PRKCQ: variants seen among roughly 807,000 people sequenced by gnomAD.
The protein encoded by PRKCQ is protein kinase C theta, also known as protein kinase C theta type.
A neutral mutation model predicts 91.2 loss-of-function variants in PRKCQ; 41 were observed. That is an observed-to-expected ratio of 0.45 (90% CI 0.35 to 0.58). PRKCQ has a LOEUF of 0.58. Among genes scored for constraint, PRKCQ ranks in the 20% least tolerant of loss-of-function variants. The pLI is 0.00. For missense variants in PRKCQ, 673 were observed against 896.5 expected (o/e 0.75, Z 3.18); for synonymous variants, 307 against 316.9 (o/e 0.97, Z 0.33).
At chr10:6,498,583 A>G (rs752318597) in intron 4 of PRKCQ, 25 bp from the exon 5 acceptor site, 1 of 1,609,676 alleles carries the variant, frequency 6.2e-7, no homozygotes, top group Non-Finnish European at 8.5e-7. Context: ...AGGGGAAGAA[A>G]GTGAAGTTCT....
intron 3 of PRKCQ, among the ~76,000 whole-genome samples, chr10:6,507,790 G>A (rs555810762): frequency 1.3e-5 from 2 of 152,328 alleles, no homozygotes; most frequent in East Asian, 3.9e-4. Context: ...CTGTAATGCT[G>A]CGTATCTGAA....
At chr10:6,476,755 G>T (rs1836289765) in intron 12 of PRKCQ, among the ~76,000 whole-genome samples, 1 of 152,190 alleles carries the variant, frequency 6.6e-6, no homozygotes, top group South Asian at 2.1e-4. Context: ...TTAGCAGTTT[G>T]CTACAAGCCT....
At chr10:6,466,333 C>G (rs560821303) in intron 12 of PRKCQ, among the ~76,000 whole-genome samples, 1 of 152,178 alleles carries the variant, frequency 6.6e-6, no homozygotes, top group African/African-American at 2.4e-5. Flanking sequence ...CTGAATCAGA[C>G]GCCACACTAG....
chr10:6,498,288 A>G, intron 5 of PRKCQ, 108 bp downstream of exon 5: 1 of 1,390,732 alleles, frequency 7.2e-7, no homozygotes, highest in Non-Finnish European at 1.0e-6. Context: ...CTGAGGTAGC[A>G]TTTACTCCAG....
At chr10:6,534,892 T>C (rs1839521960) in intron 1 of PRKCQ, among the ~76,000 whole-genome samples, 1 of 151,308 alleles carries the variant, frequency 6.6e-6, no homozygotes, top group Non-Finnish European at 1.5e-5. Flanking sequence ...TGGATATTAG[T>C]TGATTTTAAC....
In PRKCQ at chr10:6,572,111, C is replaced by T. The variant is rs948378379; in HGVS notation, c.-10+8100G>A. Among the ~76,000 whole-genome samples the T allele has an allele frequency of 2.6e-5, 4 of 152,192 alleles. No individual in the cohort carries two copies. The East Asian group carries it at 7.7e-4, about 29-fold the overall frequency. Reference sequence around the variant, plus strand: ...CCCGCGATCCAGGCCCAGGGCATGACCAACGACTGCCTTCCCATCGCTCCC... The same window carrying T: ...CCCGCGATCCAGGCCCAGGGCATGATCAACGACTGCCTTCCCATCGCTCCC... On this transcript the variant is annotated intron_variant, in intron 1 of 17. Transcript: ENST00000263125.
chr10:6,497,358 G>A lies in PRKCQ; in HGVS notation c.543-107C>T, dbSNP rs528579101. On this transcript the variant is annotated intron_variant, in intron 5 of 17. Coordinates refer to ENST00000263125, the MANE Select transcript of PRKCQ (RefSeq NM_006257.5). This position sits in a 1 kb window ranked among gnomAD's most constrained non-coding sequence, Gnocchi z 4.5. ...CATAACCCCCTAAGATCACAGAGCA[G>A]TTTCTGATCAGCAGCCCTGTTGTAT... 1,421 of 1,300,288 alleles carry A rather than the reference G, an allele frequency of 1.1e-3. No homozygotes were observed. The highest frequency in any genetic ancestry group is 1.4e-3 in the Non-Finnish European group (1,276 of 899,536). 80.5% of individuals were successfully genotyped at this position (1,300,288 alleles called of 1,614,324 possible). A position where few individuals can be genotyped will look rare whatever the true frequency, so the allele number is the denominator to read the frequency against.
chr10:6,428,780 A>G (rs980346449), intron 17 of PRKCQ, among the ~76,000 whole-genome samples: 1 of 152,068 alleles, frequency 6.6e-6, no homozygotes, highest in Non-Finnish European at 1.5e-5. Flanking sequence ...GAGGGATGGG[A>G]AGAGAGAAGG....
chr10:6,562,124 T>G lies in PRKCQ; in HGVS notation c.-10+18087A>C, dbSNP rs561020440. Among the ~76,000 whole-genome samples, 7 of 152,228 alleles carry G rather than the reference T, an allele frequency of 4.6e-5. No homozygotes were observed. In the East Asian group the frequency reaches 1.4e-3, roughly 29 times the overall value. The stretch of plus-strand genomic sequence containing the variant: ...TACCGGAAAGGAAAGAGAGAGGGAT[T>G]GAGGTGGACGCTCGTGGGTAAGGAA... On this transcript the variant is annotated intron_variant, in intron 1 of 17. Coordinates refer to ENST00000263125, the MANE Select transcript of PRKCQ (RefSeq NM_006257.5).
intron 14 of PRKCQ, among the ~76,000 whole-genome samples, chr10:6,459,117 C>A (rs11258964): frequency 6.6e-6 from 1 of 152,146 alleles, no homozygotes; most frequent in Admixed American, 6.5e-5. Flanking sequence ...CCTGGAGTCA[C>A]TTCTTCCATC....
intron 12 of PRKCQ, among the ~76,000 whole-genome samples, chr10:6,473,701 A>C (rs140158659): frequency 2.0e-5 from 3 of 152,348 alleles, no homozygotes; most frequent in African/African-American, 4.8e-5. Flanking sequence ...TCCTAGCTCA[A>C]CTGAAAGGTT....
downstream of PRKCQ, among the ~76,000 whole-genome samples, chr10:6,423,315 A>G (rs1459188710): frequency 6.6e-6 from 1 of 152,182 alleles, no homozygotes; most frequent in Non-Finnish European, 1.5e-5. Context: ...AGGCACACGC[A>G]TGCCCCAGGG....
intron 14 of PRKCQ, 88 bp downstream of exon 14, chr10:6,462,215 C>T: frequency 8.3e-7 from 1 of 1,198,184 alleles, no homozygotes; most frequent in Non-Finnish European, 1.2e-6. Flanking sequence ...ATCACATGGG[C>T]TGTCTCACAG....
chr10:6,440,045 A>G (rs1281141172), intron 16 of PRKCQ, among the ~76,000 whole-genome samples: 1 of 152,060 alleles, frequency 6.6e-6, no homozygotes. Flanking sequence ...TGTTCTTATG[A>G]TAGTGAGAGT....
At chr10:6,452,304 A>AGT (rs1201092094) in intron 15 of PRKCQ, among the ~76,000 whole-genome samples, 46 of 152,216 alleles carry the variant, frequency 3.0e-4, no homozygotes, top group Non-Finnish European at 5.4e-4. Flanking sequence ...CCAAATCTTG[A>AGT]GTGAACTCCC....
chr10:6,535,539 T>A (rs1234749625), intron 1 of PRKCQ, among the ~76,000 whole-genome samples: 1 of 152,176 alleles, frequency 6.6e-6, no homozygotes, highest in Non-Finnish European at 1.5e-5. Flanking sequence ...GAGTCACTTA[T>A]GTCAAACCCC....
intron 9 of PRKCQ, 36 bp from the exon 10 acceptor site, chr10:6,485,305 C>G (rs1422921983): frequency 1.3e-6 from 2 of 1,539,012 alleles, no homozygotes; most frequent in Admixed American, 3.3e-5. Context: ...CACCCACCCA[C>G]CCACCATTGA....
At chr10:6,409,692 G>A in the PRKCQ span, among the ~76,000 whole-genome samples, 2 of 151,286 alleles carry the variant, frequency 1.3e-5, no homozygotes, top group South Asian at 2.1e-4. Flanking sequence ...TTGATAATAT[G>A]TTTTCTTCCA....
rs1290698719 is a variant in PRKCQ at position 6,483,344 on chromosome 10, A to G, written c.1179+96T>C. On this transcript the variant is annotated intron_variant, in intron 11 of 17. Coordinates refer to ENST00000263125, the MANE Select transcript of PRKCQ (RefSeq NM_006257.5). Reference sequence around the variant, plus strand: ...AAGCTGTCTCTGACACTCACATGCAATCCTAGTGGCCCTATGAGTTTAATT... The same window carrying G: ...AAGCTGTCTCTGACACTCACATGCAGTCCTAGTGGCCCTATGAGTTTAATT... 4 of 1,492,392 alleles carry G rather than the reference A, an allele frequency of 2.7e-6. No individual in the cohort carries two copies. In the African/African-American group the frequency reaches 5.6e-5, roughly 21 times the overall value. The allele number at this position is 1,492,392 out of a possible 1,614,324, so 92.4% of individuals were successfully genotyped here. A position where few individuals can be genotyped will look rare whatever the true frequency, so the allele number is the denominator to read the frequency against.
Sources: gnomAD v4.1 joint callset for allele counts (sites outside exome capture counted in the v4.1 genomes callset) on GRCh38, gnomAD v4.1.1 for gene constraint, Gnocchi (gnomAD v3.1) non-coding constraint, MANE v1.5 for transcripts, NCBI Gene and HGNC (gene_info 2026-07-23, HGNC 2026-07-21) for gene names.